The following FYN variants were observed in gnomAD, a reference collection of about 807,000 sequenced individuals.
The protein encoded by FYN is tyrosine-protein kinase Fyn.
FYN carries 10 observed loss-of-function variants against 70.2 expected under a neutral mutation model. The ratio of observed to expected loss-of-function variants is 0.14; its 90% confidence interval spans 0.09 to 0.24. The LOEUF (loss-of-function observed/expected upper bound fraction) is 0.24. FYN is among the 10% of genes least tolerant of loss of function. The pLI is 1.00. For synonymous variants in FYN, 236 were observed against 248.6 expected (o/e 0.95, Z 0.48); for missense variants, 319 against 673.1 (o/e 0.47, Z 5.82).
At chr6:111,662,381 A>G (rs564957025) in intron 13 of FYN, among the ~76,000 whole-genome samples, 6 of 152,352 alleles carry the variant, frequency 3.9e-5, no homozygotes, top group African/African-American at 1.2e-4. Context: ...AAGGCCAGAC[A>G]GTAAATATTT....
intron 3 of FYN, among the ~76,000 whole-genome samples, chr6:111,723,745 A>G (rs1801061294): frequency 6.6e-6 from 1 of 152,262 alleles, no homozygotes; most frequent in South Asian, 2.1e-4. Context: ...AAATAAAAGT[A>G]TCCTTTATTA....
At chr6:111,872,318 G>A (rs1774299436) in intron 1 of FYN, among the ~76,000 whole-genome samples, 1 of 144,396 alleles carries the variant, frequency 6.9e-6, no homozygotes, top group African/African-American at 2.5e-5. Flanking sequence ...AGCCGGAAAG[G>A]AAGGAGAAAA....
At chr6:111,699,988 T>C (rs1799760934) in intron 9 of FYN, 116 bp downstream of exon 9, 1 of 750,614 alleles carries the variant, frequency 1.3e-6, no homozygotes, top group African/African-American at 1.7e-5. Flanking sequence ...TTCCCCACTA[T>C]TAGTAATTCA....
At chr6:111,835,383 G>C (rs1453130365) in intron 2 of FYN, among the ~76,000 whole-genome samples, 1 of 149,448 alleles carries the variant, frequency 6.7e-6, no homozygotes, top group Admixed American at 6.7e-5. Context: ...TGATACTAAA[G>C]TGAAGGATTG....
intron 3 of FYN, among the ~76,000 whole-genome samples, chr6:111,778,895 G>T (rs1437478997): frequency 6.6e-6 from 1 of 151,966 alleles, no homozygotes; most frequent in Non-Finnish European, 1.5e-5. Context: ...TAACATTCAA[G>T]AGAACTCACC....
At chr6:111,746,899 C>T (rs377364530) in intron 3 of FYN, among the ~76,000 whole-genome samples, 19 of 152,042 alleles carry the variant, frequency 1.2e-4, no homozygotes, top group Non-Finnish European at 2.2e-4. Flanking sequence ...GAGAGAATCC[C>T]TTATATTGTC....
At chr6:111,837,388 T>C (rs914765288) in intron 2 of FYN, among the ~76,000 whole-genome samples, 5 of 152,140 alleles carry the variant, frequency 3.3e-5, no homozygotes, top group African/African-American at 1.2e-4. Context: ...ATTCTAAAGA[T>C]GGACAAAATC....
At chr6:111,783,333 C>T (rs992125775) in intron 2 of FYN, among the ~76,000 whole-genome samples, 5 of 152,168 alleles carry the variant, frequency 3.3e-5, no homozygotes, top group Admixed American at 6.5e-5. Flanking sequence ...TCTCCCTCCC[C>T]AATAACCATG....
At chr6:111,817,207 T>A (rs940723488) in intron 2 of FYN, among the ~76,000 whole-genome samples, 1 of 152,134 alleles carries the variant, frequency 6.6e-6, no homozygotes, top group East Asian at 1.9e-4. Flanking sequence ...TTTTTCTATA[T>A]ATTTTTCTGT....
At chr6:111,764,216 CAAAAAAAAA>C (rs11409465) in intron 3 of FYN, among the ~76,000 whole-genome samples, 3 of 58,382 alleles carry the variant, frequency 5.1e-5, no homozygotes, top group South Asian at 1.6e-3. Context: ...TTTTGTCAAG[CAAAAAAAAA>C]AAAAAAAGAA....
At chr6:111,816,699 C>T (rs1407042759) in intron 2 of FYN, among the ~76,000 whole-genome samples, 1 of 152,204 alleles carries the variant, frequency 6.6e-6, no homozygotes, top group Non-Finnish European at 1.5e-5. Context: ...GAGTAACTGG[C>T]ATCATCTGAC....
chr6:111,676,864 T>C (rs1798547754), intron 12 of FYN, among the ~76,000 whole-genome samples: 1 of 152,204 alleles, frequency 6.6e-6, no homozygotes, highest in African/African-American at 2.4e-5. Flanking sequence ...AAAATTTGGA[T>C]ACTGTCATGT....
chr6:111,682,323 C>T (rs1478143425), intron 12 of FYN, among the ~76,000 whole-genome samples: 1 of 152,148 alleles, frequency 6.6e-6, no homozygotes, highest in Non-Finnish European at 1.5e-5. Flanking sequence ...TTTTCAGTGC[C>T]AACAGGATGA....
At chr6:111,715,867 T>C (rs1216851979) in intron 4 of FYN, among the ~76,000 whole-genome samples, 3 of 152,122 alleles carry the variant, frequency 2.0e-5, no homozygotes, top group African/African-American at 7.2e-5. Context: ...TGGACACACA[T>C]AAACAAAAAA....
chr6:111,677,702 C>T (rs1453363865), intron 12 of FYN, among the ~76,000 whole-genome samples: 3 of 152,142 alleles, frequency 2.0e-5, no homozygotes, highest in Non-Finnish European at 4.4e-5. Context: ...TTGCCTTTCC[C>T]TTGAAAGTAA....
chr6:111,872,699 A>T (rs1774318482), intron 1 of FYN, among the ~76,000 whole-genome samples: 1 of 151,518 alleles, frequency 6.6e-6, no homozygotes, highest in African/African-American at 2.4e-5. Flanking sequence ...GCCAATTCCC[A>T]TTTTCACCCG....
Position 111,843,855 on chromosome 6 carries a change from G to A in FYN, c.-82+2734C>T, listed in dbSNP as rs183870951. Among the ~76,000 whole-genome samples, 14 of 152,256 alleles carry A rather than the reference G, an allele frequency of 9.2e-5. No homozygotes were observed. The East Asian group carries it at 1.9e-3, about 21-fold the overall frequency. On this transcript the variant is annotated intron_variant, in intron 2 of 13. Transcript: ENST00000354650. Reference sequence around the variant, plus strand: ...CCACAATGACAGCTTTGAAGCGGCCGTGGCGATAGGGCAACCCCATCCAGC... The same window carrying A: ...CCACAATGACAGCTTTGAAGCGGCCATGGCGATAGGGCAACCCCATCCAGC...
chr6:111,861,094 T>C (rs534459782), intron 1 of FYN, among the ~76,000 whole-genome samples: 1 of 152,282 alleles, frequency 6.6e-6, no homozygotes, highest in African/African-American at 2.4e-5. Flanking sequence ...ATCACCTGCA[T>C]GAAGAAAAGT....
chr6:111,661,676 G>A lies in FYN; in HGVS notation c.*63C>T, dbSNP rs762813560. On this transcript the variant is annotated 3_prime_UTR_variant, in exon 14 of 14. Transcript: ENST00000354650. The surrounding 1 kb of genome is among the most constrained non-coding windows in gnomAD (Gnocchi z 4.0). The stretch of plus-strand genomic sequence containing the variant: ...CTGGGGAGCAGCTGGCTACGGAATT[G>A]AAAGCTAATGGGGAGGGGTGGGGCA... 6.8e-7 allele frequency: 1 copy of A among 1,481,162 alleles called. No individual in the cohort carries two copies. Among genetic ancestry groups the A allele is most frequent in the Non-Finnish European group, 9.3e-7 (1 of 1,080,898 alleles). 91.8% of individuals were successfully genotyped at this position (1,481,162 alleles called of 1,614,324 possible).
Sources: gnomAD v4.1 joint callset for allele counts (sites outside exome capture counted in the v4.1 genomes callset) on GRCh38, gnomAD v4.1.1 for gene constraint, Gnocchi (gnomAD v3.1) non-coding constraint, MANE v1.5 for transcripts, NCBI Gene and HGNC (gene_info 2026-07-23, HGNC 2026-07-21) for gene names.